The following SPATS2L variants were observed in gnomAD, a reference collection of about 807,000 sequenced individuals.
The protein encoded by SPATS2L is spermatogenesis associated serine rich 2 like.
Under a neutral mutation model 59.6 loss-of-function variants are expected in SPATS2L, and 30 were observed. That is an observed-to-expected ratio of 0.50 (90% CI 0.38 to 0.68). SPATS2L has a LOEUF of 0.68. Ranked by LOEUF, SPATS2L falls within the 30% of genes least tolerant of loss-of-function variation. SPATS2L has a pLI of 0.00. For synonymous variants in SPATS2L, 252 were observed against 263.5 expected (o/e 0.96, Z 0.42); for missense variants, 615 against 700.0 (o/e 0.88, Z 1.37).
chr2:200,396,799 C>T (rs1410237877), intron 3 of SPATS2L, among the ~76,000 whole-genome samples: 2 of 152,114 alleles, frequency 1.3e-5, no homozygotes, highest in Non-Finnish European at 2.9e-5. Flanking sequence ...TTAGTCCAAC[C>T]CTTGGATTCA....
intron 8 of SPATS2L, among the ~76,000 whole-genome samples, chr2:200,457,570 T>C (rs1278088096): frequency 6.6e-6 from 1 of 152,258 alleles, no homozygotes; most frequent in Non-Finnish European, 1.5e-5. Context: ...ACAGGCGTCC[T>C]GATATGTTGG....
Position 200,481,675 on chromosome 2 carries a change from C to A in SPATS2L, c.*3644C>A, listed in dbSNP as rs547635295. On this transcript the variant is annotated 3_prime_UTR_variant, in exon 13 of 13. Transcript: ENST00000409140. ...CATCCAATGACCTATGTAACGGCACCCTTTTTTGCTGTACGCGTTTTTTGA... is the reference window on the plus strand; with the variant it reads ...CATCCAATGACCTATGTAACGGCACACTTTTTTGCTGTACGCGTTTTTTGA... 6.6e-6 allele frequency: 1 copy of A among 152,424 alleles called. No individual in the cohort carries two copies. Among genetic ancestry groups the A allele is most frequent in the Non-Finnish European group, 1.5e-5 (1 of 68,122 alleles). 9.4% of individuals were successfully genotyped at this position (152,424 alleles called of 1,614,324 possible).
chr2:200,434,007 C>G (rs550192387), intron 6 of SPATS2L, among the ~76,000 whole-genome samples: 1 of 151,968 alleles, frequency 6.6e-6, no homozygotes, highest in East Asian at 1.9e-4. Context: ...AATTACAGAA[C>G]AATATTGTTA....
chr2:200,331,428 C>T (rs2079939662), intron 2 of SPATS2L, among the ~76,000 whole-genome samples: 1 of 152,204 alleles, frequency 6.6e-6, no homozygotes, highest in African/African-American at 2.4e-5. Flanking sequence ...AATAAATGTA[C>T]ATAGATGTTT....
At chr2:200,398,887 G>A (rs939916357) in intron 3 of SPATS2L, among the ~76,000 whole-genome samples, 5 of 152,062 alleles carry the variant, frequency 3.3e-5, no homozygotes, top group East Asian at 1.9e-4. Flanking sequence ...ATAAAATAAC[G>A]GAACCTGATC....
In SPATS2L at chr2:200,440,614, C is replaced by T. The variant is rs573137209; in HGVS notation, c.653-35C>T. 4.9e-5 allele frequency: 79 copies of T among 1,596,484 alleles called. No homozygotes were observed. The Admixed American group carries it at 6.5e-4, about 13-fold the overall frequency. On this transcript the variant is annotated intron_variant, in intron 7 of 12. Coordinates refer to ENST00000409140, the MANE Select transcript of SPATS2L (RefSeq NM_001100423.2). Reference sequence around the variant, plus strand: ...TAGCTTACAAACAAAGGATTAAATGCTCAAGTTAATAATATTTTTTGACAT... The same window carrying T: ...TAGCTTACAAACAAAGGATTAAATGTTCAAGTTAATAATATTTTTTGACAT...
chr2:200,428,683 C>T (rs1396524625), intron 6 of SPATS2L, among the ~76,000 whole-genome samples: 3 of 152,288 alleles, frequency 2.0e-5, no homozygotes, highest in Admixed American at 2.0e-4. Flanking sequence ...ATGCTCAAAA[C>T]AAACTCATCA....
intron 2 of SPATS2L, among the ~76,000 whole-genome samples, chr2:200,360,679 G>A (rs1037012364): frequency 5.9e-4 from 90 of 152,186 alleles, no homozygotes; most frequent in African/African-American, 2.1e-3. Flanking sequence ...TCACAATATG[G>A]GATTTCCTCT....
At chr2:200,433,134 A>G (rs775296736) in intron 6 of SPATS2L, among the ~76,000 whole-genome samples, 1 of 152,230 alleles carries the variant, frequency 6.6e-6, no homozygotes, top group Non-Finnish European at 1.5e-5. Flanking sequence ...TCAAAAAGAT[A>G]TAACACCTCT....
rs115250072 is a variant in SPATS2L at position 200,432,071 on chromosome 2, G to A, written c.446-7051G>A. On this transcript the variant is annotated intron_variant, in intron 6 of 12. Coordinates refer to ENST00000409140, the MANE Select transcript of SPATS2L (RefSeq NM_001100423.2). ...CAAGAACTTTTCAAGAGAAAGAAAG[G>A]CATGAATTTGTATTGACTTCATAAC... Among the ~76,000 whole-genome samples, 1,393 of 152,276 alleles carry A rather than the reference G, an allele frequency of 9.1e-3. 22 individuals carry two copies. Among genetic ancestry groups the A allele is most frequent in the African/African-American group, 0.031 (1,294 of 41,562 alleles).
intron 8 of SPATS2L, 101 bp from the exon 9 acceptor site, chr2:200,459,651 ATATTTATGGTAATTTTG>A: frequency 1.2e-6 from 1 of 802,612 alleles, no homozygotes; most frequent in Non-Finnish European, 2.0e-6. Flanking sequence ...TAGCATAGAA[ATATTTATGGTAATTTTG>A]TATTTTGTTT....
At chr2:200,438,637 C>G (rs1354743501) in intron 6 of SPATS2L, among the ~76,000 whole-genome samples, 1 of 152,188 alleles carries the variant, frequency 6.6e-6, no homozygotes, top group Non-Finnish European at 1.5e-5. Context: ...CATTTTTGCT[C>G]TATCTCCAGT....
chr2:200,365,117 G>A (rs2081227543), intron 2 of SPATS2L, among the ~76,000 whole-genome samples: 1 of 152,132 alleles, frequency 6.6e-6, no homozygotes, highest in African/African-American at 2.4e-5. Flanking sequence ...CAGATTCCCA[G>A]GGAACAGCTT....
At chr2:200,360,823 G>A (rs2081073526) in intron 2 of SPATS2L, among the ~76,000 whole-genome samples, 1 of 152,112 alleles carries the variant, frequency 6.6e-6, no homozygotes, top group African/African-American at 2.4e-5. Context: ...ATGACCCATT[G>A]AGGGGATGAG....
chr2:200,310,560 A>G (rs1340359049), intron 1 of SPATS2L, among the ~76,000 whole-genome samples: 2 of 151,618 alleles, frequency 1.3e-5, no homozygotes, highest in Non-Finnish European at 2.9e-5. Flanking sequence ...TTCCCTCAAA[A>G]CTCTTCAAGG....
chr2:200,364,831 G>T (rs115133502), intron 2 of SPATS2L, among the ~76,000 whole-genome samples: 1 of 152,206 alleles, frequency 6.6e-6, no homozygotes, highest in African/African-American at 2.4e-5. Context: ...CCCGGTGAGT[G>T]CAGGGCAGTC....
upstream of SPATS2L, chr2:200,306,422 C>T (rs996635793): frequency 4.0e-6 from 4 of 1,001,960 alleles, no homozygotes; most frequent in Non-Finnish European, 4.8e-6. Context: ...AAGCAAAGTG[C>T]GGAAGCTGTA....
Position 200,479,372 on chromosome 2 carries a change from G to C in SPATS2L, c.*1341G>C, listed in dbSNP as rs2087725950. The C allele has an allele frequency of 2.5e-6, 1 of 395,608 alleles. No homozygotes were observed. The highest frequency in any genetic ancestry group is 4.5e-6 in the Non-Finnish European group (1 of 224,710). The allele number at this position is 395,608 out of a possible 1,614,324, so 24.5% of individuals were successfully genotyped here. ...CTACACAGAGCAAGTGTCTTTCTCA[G>C]AAATCCCAGCAAAGGTCTTGCATAC... On this transcript the variant is annotated 3_prime_UTR_variant, in exon 13 of 13. Transcript: ENST00000409140.
intron 6 of SPATS2L, among the ~76,000 whole-genome samples, chr2:200,428,420 G>A (rs981288435): frequency 3.3e-5 from 5 of 152,016 alleles, no homozygotes; most frequent in African/African-American, 9.7e-5. Context: ...TGTCTTTACT[G>A]CTTCCTCTCT....
Sources: allele counts gnomAD v4.1 joint callset (sites outside exome capture counted in the v4.1 genomes callset), GRCh38; gene constraint gnomAD v4.1.1; transcripts MANE v1.5; gene names NCBI Gene and HGNC (gene_info 2026-07-23, HGNC 2026-07-21).